The following RORA variants were observed in gnomAD, a reference collection of about 807,000 sequenced individuals.
The protein encoded by RORA is RAR related orphan receptor A.
Under a neutral mutation model 69.5 loss-of-function variants are expected in RORA, and 7 were observed. The observed-to-expected ratio is 0.10, with a 90% CI of 0.06 to 0.19. RORA has a LOEUF of 0.19. Among genes scored for constraint, RORA ranks in the 10% least tolerant of loss-of-function variants. RORA has a pLI of 1.00. For synonymous variants in RORA, 261 were observed against 240.8 expected (o/e 1.08, Z -0.78); for missense variants, 457 against 663.0 (o/e 0.69, Z 3.41).
intron 1 of RORA, among the ~76,000 whole-genome samples, chr15:60,735,945 C>A (rs2071491899): frequency 6.6e-6 from 1 of 152,220 alleles, no homozygotes. Flanking sequence ...ATCCCCAATT[C>A]TAAACACACA....
intron 1 of RORA, among the ~76,000 whole-genome samples, chr15:61,087,005 C>T (rs1240808476): frequency 6.6e-6 from 1 of 152,098 alleles, no homozygotes; most frequent in Admixed American, 6.6e-5. Flanking sequence ...AGTCCCATCT[C>T]TACAAAAAAT....
At chr15:60,700,668 T>G (rs572592665) in intron 1 of RORA, among the ~76,000 whole-genome samples, 1 of 152,326 alleles carries the variant, frequency 6.6e-6, no homozygotes, top group South Asian at 2.1e-4. Flanking sequence ...AGTTACTTAA[T>G]GAAGAAAGGC....
At chr15:60,639,008 A>C (rs905851670) in intron 2 of RORA, among the ~76,000 whole-genome samples, 2 of 152,074 alleles carry the variant, frequency 1.3e-5, no homozygotes, top group Non-Finnish European at 2.9e-5. Context: ...GCAATATACT[A>C]TATCTGCGTT....
intron 2 of RORA, among the ~76,000 whole-genome samples, chr15:60,533,944 T>C (rs2066603291): frequency 6.6e-6 from 1 of 152,210 alleles, no homozygotes; most frequent in Non-Finnish European, 1.5e-5. Context: ...GACGCTAAAC[T>C]TGGGCCTTTC....
intron 1 of RORA, among the ~76,000 whole-genome samples, chr15:61,023,523 T>C (rs1249958450): frequency 6.6e-6 from 1 of 152,188 alleles, no homozygotes; most frequent in Non-Finnish European, 1.5e-5. Flanking sequence ...GTGAGAATTA[T>C]GGGAGTACAG....
intron 1 of RORA, among the ~76,000 whole-genome samples, chr15:60,885,527 C>T (rs2073741175): frequency 1.3e-5 from 2 of 152,186 alleles, no homozygotes; most frequent in African/African-American, 2.4e-5. Flanking sequence ...AAAATGGTTG[C>T]GGCTTTGGCT....
intron 1 of RORA, among the ~76,000 whole-genome samples, chr15:61,060,412 G>A (rs1003137113): frequency 6.6e-6 from 1 of 152,178 alleles, no homozygotes; most frequent in Non-Finnish European, 1.5e-5. Flanking sequence ...TCAGGTGGCT[G>A]TCATGACAGC....
At chr15:61,137,046 A>AGAAAGAAAGAAG in intron 1 of RORA, among the ~76,000 whole-genome samples, 2 of 146,996 alleles carry the variant, frequency 1.4e-5, no homozygotes, top group Non-Finnish European at 3.0e-5. Flanking sequence ...AAAGAAAGAA[A>AGAAAGAAAGAAG]GAAAGAAAGA....
chr15:60,904,482 T>C (rs7179401), intron 1 of RORA, among the ~76,000 whole-genome samples: 70,169 of 152,008 alleles, frequency 0.46, 16,451 homozygotes, highest in East Asian at 0.49. Context: ...TGAGAGAATC[T>C]GGCAGGGCCA....
At chr15:60,549,972 T>G (rs1263732212) in intron 2 of RORA, among the ~76,000 whole-genome samples, 5 of 152,222 alleles carry the variant, frequency 3.3e-5, no homozygotes, top group Admixed American at 3.3e-4. Context: ...ATTGTCTATA[T>G]GTGAGCTGCT....
At chr15:60,583,775 T>C (rs964454879) in intron 2 of RORA, among the ~76,000 whole-genome samples, 20 of 152,186 alleles carry the variant, frequency 1.3e-4, no homozygotes, top group Non-Finnish European at 2.6e-4. Flanking sequence ...ATCTGGCACC[T>C]CTTCCATGCT....
intron 3 of RORA, among the ~76,000 whole-genome samples, chr15:60,516,249 TTATATATATATA>T: frequency 1.4e-5 from 1 of 69,538 alleles, no homozygotes; most frequent in East Asian, 3.2e-4. Flanking sequence ...ATATATATAT[TTATATATATATA>T]TTTATATATT....
At chr15:60,815,326 A>T (rs1386721868) in intron 1 of RORA, among the ~76,000 whole-genome samples, 4 of 152,098 alleles carry the variant, frequency 2.6e-5, no homozygotes. Flanking sequence ...ATACCTATAA[A>T]TGTCTCTCCC....
chr15:60,969,357 T>C (rs892194545), intron 1 of RORA, among the ~76,000 whole-genome samples: 2 of 152,250 alleles, frequency 1.3e-5, no homozygotes, highest in African/African-American at 4.8e-5. Context: ...AATCTGTTAC[T>C]ATCATTATTT....
chr15:61,028,273 A>C (rs1895936094), intron 1 of RORA, among the ~76,000 whole-genome samples: 1 of 152,208 alleles, frequency 6.6e-6, no homozygotes, highest in Non-Finnish European at 1.5e-5. Context: ...GGGTAAAGGC[A>C]TGCTGGGGGC....
intron 1 of RORA, among the ~76,000 whole-genome samples, chr15:61,181,814 G>A (rs575337120): frequency 1.3e-5 from 2 of 151,800 alleles, no homozygotes; most frequent in Non-Finnish European, 2.9e-5. Flanking sequence ...TCCAAAAGAA[G>A]AGAGAAATAC....
intron 1 of RORA, among the ~76,000 whole-genome samples, chr15:61,215,156 T>C (rs893268148): frequency 2.0e-5 from 3 of 150,864 alleles, no homozygotes; most frequent in Admixed American, 6.7e-5. Context: ...GTGCTGGGAT[T>C]ACAGGTGTGA....
At chr15:60,559,082 A>G (rs958078214) in intron 2 of RORA, among the ~76,000 whole-genome samples, 3 of 152,178 alleles carry the variant, frequency 2.0e-5, no homozygotes, top group African/African-American at 7.2e-5. Flanking sequence ...AAATCTAATA[A>G]AAATCAAATA....
chr15:60,996,351 C>T (rs539247319), intron 1 of RORA, among the ~76,000 whole-genome samples: 1 of 152,232 alleles, frequency 6.6e-6, no homozygotes, highest in Middle Eastern at 3.4e-3. Flanking sequence ...GGATTACAGG[C>T]ATGAGCCACC....
Sources: gnomAD v4.1 joint callset for allele counts (sites outside exome capture counted in the v4.1 genomes callset) on GRCh38, gnomAD v4.1.1 for gene constraint, MANE v1.5 for transcripts, NCBI Gene and HGNC (gene_info 2026-07-23, HGNC 2026-07-21) for gene names.